SLC45A4: variants seen among roughly 807,000 people sequenced by gnomAD.
SLC45A4 encodes polyamine-transporter SLC45A4.
SLC45A4 carries 32 observed loss-of-function variants against 63.7 expected under a neutral mutation model. The ratio of observed to expected loss-of-function variants is 0.50; its 90% CI spans 0.38 to 0.67. SLC45A4 has a LOEUF of 0.67. Among genes scored for constraint, SLC45A4 ranks in the 30% least tolerant of loss-of-function variants. The pLI, the probability that SLC45A4 is intolerant of heterozygous loss-of-function variation, is 0.00. For synonymous variants in SLC45A4, 535 were observed against 510.0 expected, an observed-to-expected ratio of 1.05 and a Z score of -0.66; for missense variants, 1,027 against 1,157.7, an observed-to-expected ratio of 0.89 and a Z score of 1.64.
At chr8:141,304,465 A>G (rs1256003137) in intron 1 of SLC45A4, among the ~76,000 whole-genome samples, 1 of 151,648 alleles carries the variant, frequency 6.6e-6, no homozygotes, top group Admixed American at 6.6e-5. Flanking sequence ...AGGCGGAGGC[A>G]AAAGAATCGC....
chr8:141,285,603 G>A (rs1830110346), intron 1 of SLC45A4, among the ~76,000 whole-genome samples: 1 of 152,150 alleles, frequency 6.6e-6, no homozygotes, highest in African/African-American at 2.4e-5. Context: ...GCACATCCAC[G>A]GCCACGTCCG....
rs1829990419 is a variant in SLC45A4 at position 141,282,480 on chromosome 8, C to CT, written c.-401+25615dup. Among the ~76,000 whole-genome samples, 5 of 152,350 alleles carry CT rather than the reference C, an allele frequency of 3.3e-5. No homozygotes were observed. In the South Asian group the frequency reaches 1.0e-3, roughly 32 times the overall value. On this transcript the variant is annotated intron_variant, in intron 1 of 8. Transcript: ENST00000517878. ...GCCTCTGTCTCCATCGCTGCCCTCC[C>CT]TCCAGGCCGCCGCTCAGGGCACGCC...
intron 2 of SLC45A4, among the ~76,000 whole-genome samples, chr8:141,222,957 C>G (rs1318677766): frequency 6.6e-6 from 1 of 152,242 alleles, no homozygotes; most frequent in Non-Finnish European, 1.5e-5. Flanking sequence ...TCTCCCCATA[C>G]TATACGTCAG....
At chr8:141,265,053 A>C (rs1324478001) in intron 1 of SLC45A4, among the ~76,000 whole-genome samples, 1 of 152,260 alleles carries the variant, frequency 6.6e-6, no homozygotes, top group Non-Finnish European at 1.5e-5. Context: ...AAAAAAAAGA[A>C]TATAACCAAA....
At chr8:141,224,727 C>T (rs573360804) in intron 2 of SLC45A4, 1 of 152,462 alleles carries the variant, frequency 6.6e-6, no homozygotes, top group East Asian at 1.9e-4. Flanking sequence ...GCTGTGATGA[C>T]AGGCGTGAGC....
At chr8:141,266,323 C>T (rs556696313) in intron 1 of SLC45A4, among the ~76,000 whole-genome samples, 6 of 152,288 alleles carry the variant, frequency 3.9e-5, no homozygotes, top group Admixed American at 2.0e-4. Context: ...TGATGAGGGC[C>T]GGCTCATGAG....
rs565440329 is a variant in SLC45A4 at position 141,289,324 on chromosome 8, G to A, written c.-401+18772C>T. ...AGTGAAAGACATTAAATCCTACACT[G>A]ATCAAAAACCTAAGTTCCACGCCTT... On this transcript the variant is annotated intron_variant, in intron 1 of 8. Transcript: ENST00000517878. Among the ~76,000 whole-genome samples, 9 of 152,282 alleles carry A rather than the reference G, an allele frequency of 5.9e-5. No individual in the cohort carries two copies. In the East Asian group the frequency reaches 1.4e-3, roughly 23 times the overall value.
intron 4 of SLC45A4, among the ~76,000 whole-genome samples, chr8:141,219,325 C>A (rs1334570273): frequency 6.6e-6 from 1 of 152,254 alleles, no homozygotes; most frequent in Non-Finnish European, 1.5e-5. Context: ...ACGGAGCTGG[C>A]CACGTTCACC....
intron 2 of SLC45A4, among the ~76,000 whole-genome samples, chr8:141,250,662 G>A (rs560732637): frequency 3.3e-5 from 5 of 152,216 alleles, no homozygotes; most frequent in African/African-American, 1.2e-4. Context: ...TTATAGGCAT[G>A]AGCCAGAGTG....
intron 2 of SLC45A4, among the ~76,000 whole-genome samples, chr8:141,223,596 G>A (rs1826791945): frequency 1.3e-5 from 2 of 152,348 alleles, no homozygotes; most frequent in East Asian, 1.9e-4. Context: ...TGGGCACCCA[G>A]AAGGGCTCTC....
In SLC45A4 at chr8:141,227,903, C is replaced by CG. The variant is rs1827112556; in HGVS notation, c.242-6139dup. Among the ~76,000 whole-genome samples the CG allele has an allele frequency of 6.6e-6, 1 of 152,192 alleles. No homozygotes were observed. The highest frequency in any genetic ancestry group is 1.5e-5 in the Non-Finnish European group (1 of 68,028). On this transcript the variant is annotated intron_variant, in intron 2 of 8. Coordinates refer to ENST00000517878, the MANE Select transcript of SLC45A4 (RefSeq NM_001286646.2). The surrounding 1 kb of genome is among the most constrained non-coding windows in gnomAD (Gnocchi z 4.4). ...CACCCACGGCCCACCCAGCCCCTCC[C>CG]GGAGTGCCAGCCATGGCTCTCTGAA...
chr8:141,299,589 G>A (rs934119814), intron 1 of SLC45A4, among the ~76,000 whole-genome samples: 11 of 152,350 alleles, frequency 7.2e-5, no homozygotes, highest in African/African-American at 2.6e-4. Context: ...GTGGTGGTGC[G>A]CAGGCCCTGA....
intron 1 of SLC45A4, among the ~76,000 whole-genome samples, chr8:141,293,697 C>A (rs1830437928): frequency 1.3e-5 from 2 of 152,128 alleles, no homozygotes; most frequent in Non-Finnish European, 2.9e-5. Flanking sequence ...CTTTGGGAGG[C>A]CGAGGCGGGC....
chr8:141,212,756 T>C (rs564741188), intron 7 of SLC45A4, among the ~76,000 whole-genome samples, 200 bp from the exon 8 acceptor site: 2 of 152,300 alleles, frequency 1.3e-5, no homozygotes, highest in South Asian at 4.1e-4. Context: ...TGGGAAGTTC[T>C]AGCTCAAGGA....
At chr8:141,307,590 G>C (rs1830938109) in intron 1 of SLC45A4, among the ~76,000 whole-genome samples, 1 of 152,216 alleles carries the variant, frequency 6.6e-6, no homozygotes, top group East Asian at 1.9e-4. Context: ...TCCAGACAGA[G>C]GGGAGAGGGG....
rs1826064674 is a variant in SLC45A4 at position 141,215,176 on chromosome 8, A to G, written c.1941+583T>C. Among the ~76,000 whole-genome samples the G allele has an allele frequency of 1.3e-5, 2 of 152,254 alleles. No individual in the cohort carries two copies. Among genetic ancestry groups the G allele is most frequent in the Admixed American group, 6.5e-5 (1 of 15,284 alleles). ...GCAAGAGTCTGCCTGTGCTGCGGCTACTGAGCATTTGAGATAAAGCTCGTC... is the reference window on the plus strand; with the variant it reads ...GCAAGAGTCTGCCTGTGCTGCGGCTGCTGAGCATTTGAGATAAAGCTCGTC... On this transcript the variant is annotated intron_variant, in intron 7 of 8. Transcript: ENST00000517878. The surrounding 1 kb of genome is among the most constrained non-coding windows in gnomAD (Gnocchi z 4.3).
intron 1 of SLC45A4, among the ~76,000 whole-genome samples, chr8:141,259,007 T>A (rs909177802): frequency 4.0e-4 from 61 of 151,464 alleles, no homozygotes; most frequent in African/African-American, 1.5e-3. Context: ...AGTAACAGAG[T>A]CACAAGTCCA....
chr8:141,299,342 T>C (rs531304090), intron 1 of SLC45A4, among the ~76,000 whole-genome samples: 33 of 152,342 alleles, frequency 2.2e-4, no homozygotes, highest in African/African-American at 7.7e-4. Flanking sequence ...GACACCTCAA[T>C]AGTTCAGTAG....
chr8:141,219,120 C>A (rs550910642), intron 4 of SLC45A4, 91 bp from the exon 5 acceptor site: 45 of 1,437,102 alleles, frequency 3.1e-5, no homozygotes, highest in Non-Finnish European at 4.1e-5. Context: ...AACAGGGGGC[C>A]GGGGCTGCCC....
Sources: gnomAD v4.1 joint callset for allele counts (sites outside exome capture counted in the v4.1 genomes callset) on GRCh38, gnomAD v4.1.1 for gene constraint, Gnocchi (gnomAD v3.1) non-coding constraint, MANE v1.5 for transcripts, NCBI Gene and HGNC (gene_info 2026-07-23, HGNC 2026-07-21) for gene names.